The following JOSD1 variants were observed in gnomAD, a reference collection of about 807,000 sequenced individuals.
The protein encoded by JOSD1 is josephin-1.
Under a neutral mutation model 24.3 loss-of-function variants are expected in JOSD1, and 11 were observed. The ratio of observed to expected loss-of-function variants is 0.45; its 90% CI spans 0.29 to 0.75. The LOEUF (loss-of-function observed/expected upper bound fraction) is 0.75. Among genes scored for constraint, JOSD1 ranks in the 30% least tolerant of loss-of-function variants. JOSD1 has a pLI of 0.11. For synonymous variants in JOSD1, 106 were observed against 93.8 expected (o/e 1.13, Z -0.75); for missense variants, 184 against 253.5 (o/e 0.73, Z 1.86).
chr22:38,699,951 A>G lies in JOSD1; in HGVS notation c.37T>C (p.Ser13Pro). 3 of 1,612,340 alleles carry G rather than the reference A, an allele frequency of 1.9e-6. No individual in the cohort carries two copies. Among genetic ancestry groups the G allele is most frequent in the Non-Finnish European group, 2.5e-6 (3 of 1,179,042 alleles). ...GCCTGGGGCAGCTCCAATGATTCAG[A>G]TTTGGCCTTGTCTCCTTTCCATGGC... ...CVPWKGDKAK[S>P]ESLELPQAAP... The change falls in exon 2 of 5, where the codon TCT (serine) becomes CCT (proline). Residue 13 changes from serine to proline, a missense_variant. Transcript: ENST00000683374.
chr22:38,696,009 T>A (rs1282648583), intron 2 of JOSD1, among the ~76,000 whole-genome samples: 1 of 151,824 alleles, frequency 6.6e-6, no homozygotes, highest in African/African-American at 2.4e-5. Flanking sequence ...TGAGCCCAGA[T>A]CACGCCACTG....
chr22:38,696,026 A>AGCCTAG (rs2092544619), intron 2 of JOSD1, among the ~76,000 whole-genome samples: 1 of 152,144 alleles, frequency 6.6e-6, no homozygotes, highest in Admixed American at 6.5e-5. Context: ...ACTGCAATCC[A>AGCCTAG]GCCTAGGCAG....
intron 4 of JOSD1, 68 bp downstream of exon 4, chr22:38,688,867 T>C: frequency 2.9e-6 from 4 of 1,365,820 alleles, no homozygotes; most frequent in Non-Finnish European, 1.0e-6. Flanking sequence ...TAACCAGAGA[T>C]GAGCTCAGTG....
chr22:38,695,971 C>A (rs1175131553), intron 2 of JOSD1, among the ~76,000 whole-genome samples: 1 of 152,012 alleles, frequency 6.6e-6, no homozygotes, highest in East Asian at 1.9e-4. Context: ...CAGGAGGATT[C>A]CTTGAACCCA....
At position 38,689,043 on chromosome 22, in the gene JOSD1, G is replaced by A; in HGVS notation, c.401C>T (p.Pro134Leu). 1.2e-6 allele frequency: 2 copies of A among 1,614,202 alleles called. No individual in the cohort carries two copies. Among genetic ancestry groups the A allele is most frequent in the Non-Finnish European group, 1.7e-6 (2 of 1,180,028 alleles). ...ACAGATCCAGTGCTGCCTTTTGAGGGGCAGTTTCAGTGGACCCCAGCATAG... is the reference window on the plus strand; with the variant it reads ...ACAGATCCAGTGCTGCCTTTTGAGGAGCAGTTTCAGTGGACCCCAGCATAG... ...SSLCWGPLKLPLKRQHWICVR... is the reference protein window; with the variant it reads ...SSLCWGPLKLLLKRQHWICVR... The change falls in exon 4 of 5, where the codon CCC becomes CTC. Residue 134 changes from proline to leucine, a missense_variant. Transcript: ENST00000683374.
rs1157032739 is a variant in JOSD1, at chr22:38,686,719, T to C, written c.*1183A>G. On this transcript the variant is annotated 3_prime_UTR_variant, in exon 5 of 5. Coordinates refer to ENST00000683374, the MANE Select transcript of JOSD1 (RefSeq NM_001360236.2). ...CTCCGAGCCTAGAGTGTCTACTGAA[T>C]TGTGGCTGCCCCTACTCCAAGAAGC... 2 of 152,236 alleles carry C rather than the reference T, an allele frequency of 1.3e-5. No individual in the cohort carries two copies. The highest frequency in any genetic ancestry group is 1.5e-5 in the Non-Finnish European group (1 of 68,076). The allele number at this position is 152,236 out of a possible 1,614,324, so 9.4% of individuals were successfully genotyped here. A position where few individuals can be genotyped will look rare whatever the true frequency, so the allele number is the denominator to read the frequency against.
chr22:38,692,374 G>C, intron 2 of JOSD1, among the ~76,000 whole-genome samples: 1 of 152,162 alleles, frequency 6.6e-6, no homozygotes, highest in Admixed American at 6.5e-5. Context: ...CAGAGTGGCA[G>C]GGGATGGGGG....
intron 2 of JOSD1, among the ~76,000 whole-genome samples, chr22:38,693,575 C>A (rs1188507954): frequency 6.6e-6 from 1 of 152,208 alleles, no homozygotes; most frequent in Non-Finnish European, 1.5e-5. Flanking sequence ...GCACTTTAGG[C>A]ACCATGATCA....
intron 2 of JOSD1, among the ~76,000 whole-genome samples, chr22:38,691,966 G>A (rs1278884688): frequency 1.3e-5 from 2 of 152,186 alleles, no homozygotes; most frequent in Non-Finnish European, 2.9e-5. Context: ...GGTGCTCAAG[G>A]AATGTTTGCT....
In JOSD1 at chr22:38,699,786, G is replaced by A. The variant is rs1156638727; in HGVS notation, c.185+17C>T. 7.4e-6 allele frequency: 12 copies of A among 1,612,306 alleles called. No individual in the cohort carries two copies. Among genetic ancestry groups the A allele is most frequent in the African/African-American group, 4.0e-5 (3 of 74,894 alleles). On this transcript the variant is annotated intron_variant, in intron 2 of 4. Coordinates refer to ENST00000683374, the MANE Select transcript of JOSD1 (RefSeq NM_001360236.2). The stretch of plus-strand genomic sequence containing the variant: ...AGAAATATCAGTATCAAGATGCCAA[G>A]GAGAAGGGTCCCCTACCTCTGGAAA...
Position 38,700,863 on chromosome 22 carries a change from C to A in JOSD1, c.-695G>T, listed in dbSNP as rs1381455089. The A allele has an allele frequency of 5.1e-6, 5 of 984,710 alleles. No individual in the cohort carries two copies. The African/African-American group carries it at 8.7e-5, about 17-fold the overall frequency. The allele number at this position is 984,710 out of a possible 1,614,324, so 61.0% of individuals were successfully genotyped here. On this transcript the variant is annotated 5_prime_UTR_variant, in exon 1 of 5. Coordinates refer to ENST00000683374, the MANE Select transcript of JOSD1 (RefSeq NM_001360236.2). ...CCCGCCGCGCCCCCGGCCGCAGACC[C>A]CAGGGCCGCCGGGACTGCTCGCCGC...
intron 2 of JOSD1, among the ~76,000 whole-genome samples, chr22:38,690,343 A>G (rs899924892): frequency 1.6e-4 from 24 of 152,258 alleles, no homozygotes; most frequent in African/African-American, 5.5e-4. Context: ...ACTCTAAAAA[A>G]CTTAAGAAAT....
chr22:38,691,799 C>T (rs1027843199), intron 2 of JOSD1, among the ~76,000 whole-genome samples: 1 of 152,174 alleles, frequency 6.6e-6, no homozygotes, highest in Non-Finnish European at 1.5e-5. Context: ...TTCTCCCAGT[C>T]ACTACCTCAC....
At chr22:38,689,254 A>G (rs377485794) in intron 3 of JOSD1, 42 bp downstream of exon 3, 2 of 1,613,368 alleles carry the variant, frequency 1.2e-6, no homozygotes, top group Non-Finnish European at 1.7e-6. Flanking sequence ...CTTATACCAC[A>G]ACCGTGCTGT....
At chr22:38,689,176 A>G (rs2092511362) in intron 3 of JOSD1, 47 bp from the exon 4 acceptor site, 1 of 1,602,336 alleles carries the variant, frequency 6.2e-7, no homozygotes, top group East Asian at 2.2e-5. Flanking sequence ...CCATTTTCCA[A>G]GGTTCCCTGG....
intron 4 of JOSD1, 100 bp downstream of exon 4, chr22:38,688,835 G>A (rs1298086665): frequency 1.8e-6 from 2 of 1,120,328 alleles, no homozygotes; most frequent in Non-Finnish European, 2.6e-6. Context: ...AAGGGCACAG[G>A]AATTTCATTT....
chr22:38,700,648 G>C (rs1016565906), intron 1 of JOSD1, 30 bp from the exon 2 acceptor site: 1 of 983,542 alleles, frequency 1.0e-6, no homozygotes, highest in East Asian at 1.1e-4. Flanking sequence ...TCCGGTCAGC[G>C]GCGAGCGGGC....
rs1271322186 is a variant in JOSD1 at position 38,698,188 on chromosome 22, T to C, written c.185+1615A>G. 3.9e-5 allele frequency among the ~76,000 whole-genome samples: 6 copies of C among 152,198 alleles called. No individual in the cohort carries two copies. In the East Asian group the frequency reaches 1.2e-3, roughly 29 times the overall value. ...AAGGAAGCATGTACTGGGTCCTCCT[T>C]TCAGTGACATGACCTGATGATCTGA... On this transcript the variant is annotated intron_variant, in intron 2 of 4. Transcript: ENST00000683374.
rs57064558 is a variant in JOSD1 at position 38,689,912 on chromosome 22, C to CTGTGTGTGTGTGTGTGTGTGTG, written c.186-510_186-489dup. ...AATGCACGACCCACCTAAAGGCATT[C>CTGTGTGTGTGTGTGTGTGTGTG]TGTGTGTGTGTGTGTGTGTGTGTGT... On this transcript the variant is annotated intron_variant, in intron 2 of 4. Transcript: ENST00000683374. 4.7e-3 allele frequency among the ~76,000 whole-genome samples: 683 copies of CTGTGTGTGTGTGTGTGTGTGTG among 144,598 alleles called. 10 individuals are homozygous for CTGTGTGTGTGTGTGTGTGTGTG. Among genetic ancestry groups the CTGTGTGTGTGTGTGTGTGTGTG allele is most frequent in the African/African-American group, 0.015 (583 of 37,848 alleles). The allele number at this position is 144,598 out of a possible 152,430, so 94.9% of individuals were successfully genotyped here. A position where few individuals can be genotyped will look rare whatever the true frequency, so the allele number is the denominator to read the frequency against.
Sources: allele counts gnomAD v4.1 joint callset (sites outside exome capture counted in the v4.1 genomes callset), GRCh38; gene constraint gnomAD v4.1.1; transcripts MANE v1.5; gene names NCBI Gene and HGNC (gene_info 2026-07-23, HGNC 2026-07-21).